CEP76: variants seen among roughly 807,000 people sequenced by gnomAD.
CEP76 encodes centrosomal protein 76, also known as centrosomal protein of 76 kDa.
Under a neutral mutation model 83.3 loss-of-function variants are expected in CEP76, and 55 were observed. The ratio of observed to expected loss-of-function variants is 0.66; its 90% CI spans 0.53 to 0.83. The LOEUF is 0.83. CEP76 is among the 40% of genes least tolerant of loss of function. The pLI is 0.00. For missense variants in CEP76, 694 were observed against 799.5 expected (o/e 0.87, Z 1.59); for synonymous variants, 270 against 274.5 (o/e 0.98, Z 0.16).
At position 12,699,840 on chromosome 18, in the gene CEP76, T is replaced by G; in HGVS notation, c.285A>C (p.Thr95=). 1 of 1,564,360 alleles carries G rather than the reference T, an allele frequency of 6.4e-7. No homozygotes were observed. The highest frequency in any genetic ancestry group is 8.7e-7 in the Non-Finnish European group (1 of 1,147,820). Reference sequence around the variant, plus strand: ...TTAAAATATACATACTTTTTTTTAATGTCGATTGTCTATCAAAACAAATAG... The same window carrying G: ...TTAAAATATACATACTTTTTTTTAAGGTCGATTGTCTATCAAAACAAATAG... ...KQPICFDRQS[T]LKKTNIDPTR... is the part of the protein sequence containing the mutation. The change falls in exon 3 of 12, where the codon ACA becomes ACC. Residue 95 remains threonine (T), a synonymous_variant. Transcript: ENST00000262127.
At chr18:12,677,807 AG>A (rs1450012115) in intron 10 of CEP76, among the ~76,000 whole-genome samples, 16 of 152,298 alleles carry the variant, frequency 1.1e-4, no homozygotes, top group African/African-American at 3.6e-4. Flanking sequence ...CATTTCACAA[AG>A]ACAAAATCCA....
intron 5 of CEP76, among the ~76,000 whole-genome samples, chr18:12,695,852 CCACACACACACACACA>C (rs375916938): frequency 1.3e-5 from 2 of 148,282 alleles, no homozygotes; most frequent in South Asian, 2.1e-4. Flanking sequence ...CATTCCTTCT[CCACACACACACACACA>C]CACACACACA....
At chr18:12,698,819 G>A (rs1261151086) in intron 4 of CEP76, 160 bp downstream of exon 4, 3 of 599,762 alleles carry the variant, frequency 5.0e-6, no homozygotes, top group African/African-American at 3.7e-5. Flanking sequence ...AATATTGCAA[G>A]AAGGTGGATA....
At chr18:12,676,399 C>T (rs150214416) in intron 10 of CEP76, among the ~76,000 whole-genome samples, 64 of 151,018 alleles carry the variant, frequency 4.2e-4, no homozygotes, top group African/African-American at 1.4e-3. Flanking sequence ...CCTCAGCCTC[C>T]GAGTATCTGG....
At chr18:12,699,349 A>C (rs2040072133) in intron 3 of CEP76, 146 bp from the exon 4 acceptor site, 1 of 592,392 alleles carries the variant, frequency 1.7e-6, no homozygotes, top group Non-Finnish European at 3.0e-6. Flanking sequence ...TTATTACTGT[A>C]TATGCCAGAA....
intron 12 of CEP76, among the ~76,000 whole-genome samples, chr18:12,664,325 C>T (rs1330637331): frequency 2.6e-5 from 4 of 152,124 alleles, no homozygotes; most frequent in East Asian, 3.9e-4. Flanking sequence ...GGGTGGATCA[C>T]GAGGCCAGGA....
At chr18:12,681,121 T>A (rs2039332722) in intron 8 of CEP76, among the ~76,000 whole-genome samples, 1 of 151,292 alleles carries the variant, frequency 6.6e-6, no homozygotes, top group African/African-American at 2.4e-5. Context: ...TCACGTGAAC[T>A]TGGGAGGCGG....
intron 7 of CEP76, among the ~76,000 whole-genome samples, chr18:12,690,148 CT>C (rs2039700527): frequency 6.6e-6 from 1 of 152,110 alleles, no homozygotes; most frequent in Admixed American, 6.6e-5. Flanking sequence ...ATGTTGTTAC[CT>C]TGCCAACCAG....
intron 1 of CEP76, 100 bp downstream of exon 1, chr18:12,702,386 G>A: frequency 1.1e-6 from 1 of 891,970 alleles, no homozygotes; most frequent in Non-Finnish European, 1.8e-6. Flanking sequence ...CCTCGCTACA[G>A]TCCCGGCAAG....
chr18:12,678,142 CA>C lies in CEP76; in HGVS notation c.1589del (p.Met530SerfsTer3). ...GTTCTGACACCAGGAGCCTCAGCTG[CA>C]TTTCAATTTCATTACTTGTTACTGA... The part of the protein sequence containing the change: ...DASVTSNEIE[M>X]QLRLLVSEHR... On this transcript the variant is annotated frameshift_variant, in exon 10 of 12. Transcript: ENST00000262127. LOFTEE classifies it high-confidence loss of function. 6.2e-7 allele frequency: 1 copy of C among 1,613,502 alleles called. No homozygotes were observed. The highest frequency in any genetic ancestry group is 8.5e-7 in the Non-Finnish European group (1 of 1,179,426).
At position 12,673,297 on chromosome 18, in the gene CEP76, A is replaced by C; in HGVS notation, c.*68T>G. The C allele has an allele frequency of 6.6e-7, 1 of 1,522,174 alleles. No homozygotes were observed. 94.3% of individuals were successfully genotyped at this position (1,522,174 alleles called of 1,614,324 possible). ...ATTTTAAAATAACAAACCTCTAAAT[A>C]GCTAAGTAATGTACAATGTGTAAAA... On this transcript the variant is annotated 3_prime_UTR_variant, in exon 12 of 12. Transcript: ENST00000262127.
intron 7 of CEP76, chr18:12,691,084 T>C (rs930975331): frequency 2.9e-5 from 8 of 277,002 alleles, no homozygotes; most frequent in African/African-American, 1.5e-4. Flanking sequence ...ATCAAATATA[T>C]TCAGAAAGGG....
chr18:12,664,762 A>G (rs2038771567), intron 12 of CEP76, among the ~76,000 whole-genome samples: 1 of 150,408 alleles, frequency 6.6e-6, no homozygotes, highest in African/African-American at 2.5e-5. Context: ...GCAGTGGTAC[A>G]ATCTCAGCTC....
chr18:12,662,909 T>C (rs1386986352), intron 12 of CEP76, among the ~76,000 whole-genome samples: 1 of 152,240 alleles, frequency 6.6e-6, no homozygotes, highest in Non-Finnish European at 1.5e-5. Flanking sequence ...TTCACCTACT[T>C]AATGTGATTC....
downstream of CEP76, among the ~76,000 whole-genome samples, chr18:12,669,352 T>C (rs1381327250): frequency 1.3e-5 from 2 of 151,954 alleles, no homozygotes. Context: ...CCTCAGGTGA[T>C]CCGCCCGCCT....
At chr18:12,669,161 G>C (rs1241802723), downstream of CEP76, among the ~76,000 whole-genome samples, 1 of 144,258 alleles carries the variant, frequency 6.9e-6, no homozygotes, top group Non-Finnish European at 1.5e-5. Context: ...TTCCCAAGCT[G>C]GAGTGCAGTG....
At chr18:12,696,321 G>A (rs2039956270) in intron 5 of CEP76, among the ~76,000 whole-genome samples, 1 of 152,054 alleles carries the variant, frequency 6.6e-6, no homozygotes. Context: ...CGGCCAACAT[G>A]GTGAAACCCC....
At chr18:12,687,760 C>G (rs545017175) in intron 7 of CEP76, among the ~76,000 whole-genome samples, 16 of 151,602 alleles carry the variant, frequency 1.1e-4, no homozygotes, top group African/African-American at 3.6e-4. Context: ...GCCTAGAGGG[C>G]ACCGATTTTT....
chr18:12,673,413 T>C lies in CEP76; in HGVS notation c.1932A>G (p.Ala644=). ...RVRVFTYPES[A]CAVWIMFACK... ...AAGCAAACATGATCCAAACAGCACA[T>C]GCAGATTCAGGGTAAGTAAATACTC... The change falls in exon 12 of 12, where the codon GCA becomes GCG. Residue 644 remains alanine (A), a synonymous_variant. Transcript: ENST00000262127. 1 of 1,607,650 alleles carries C rather than the reference T, an allele frequency of 6.2e-7. No homozygotes were observed. The highest frequency in any genetic ancestry group is 1.3e-5 in the African/African-American group (1 of 74,426).
Sources: allele counts gnomAD v4.1 joint callset (sites outside exome capture counted in the v4.1 genomes callset), GRCh38; gene constraint gnomAD v4.1.1; transcripts MANE v1.5; gene names NCBI Gene and HGNC (gene_info 2026-07-23, HGNC 2026-07-21).